PAX1: variants seen among roughly 807,000 people sequenced by gnomAD.
PAX1 encodes the protein paired box 1, also known as paired box protein Pax-1.
Under a neutral mutation model 35.6 loss-of-function variants are expected in PAX1, and 18 were observed. That is an observed-to-expected ratio of 0.50 (90% CI 0.35 to 0.75). The LOEUF is 0.75. Among genes scored for constraint, PAX1 ranks in the 30% least tolerant of loss-of-function variants. The pLI is 0.01. For missense variants in PAX1, 760 were observed against 661.5 expected, an observed-to-expected ratio of 1.15 and a Z score of -1.63; for synonymous variants, 397 against 305.2, an observed-to-expected ratio of 1.30 and a Z score of -3.14.
Position 21,705,927 on chromosome 20 carries a change from A to C in PAX1, c.215A>C (p.Asp72Ala), listed in dbSNP as rs1984971069. The C allele has an allele frequency of 2.7e-6, 4 of 1,466,820 alleles. No homozygotes were observed. Among genetic ancestry groups the C allele is most frequent in the Non-Finnish European group, 3.6e-6 (4 of 1,116,634 alleles). 90.9% of individuals were successfully genotyped at this position (1,466,820 alleles called of 1,614,324 possible). A position where few individuals can be genotyped will look rare whatever the true frequency, so the allele number is the denominator to read the frequency against. Residue 72 changes from aspartate (D) to alanine (A), a missense_variant, in exon 1 of 5, where the codon GAC (aspartate) becomes GCC (alanine). This residue lies in a region of PAX1 where 222 missense variants were observed against 153.0 expected (regional missense o/e 1.45). Transcript: ENST00000613128. Reference sequence around the variant, plus strand: ...GGCGGCGGCGCCCAAGCTCTCCCGGACTGCGCCGGGCCCAGCCCCGGCCAC... The same window carrying C: ...GGCGGCGGCGCCCAAGCTCTCCCGGCCTGCGCCGGGCCCAGCCCCGGCCAC... ...RGGGGAQALP[D>A]CAGPSPGHPG...
In PAX1 at chr20:21,706,119, C is replaced by T; in HGVS notation, c.286+121C>T. ...CCAGTCCTGGGTCCTGGAGAAGCTGCATTCTCCTCTGATCCCCAGCCTTCA... is the reference window on the plus strand; with the variant it reads ...CCAGTCCTGGGTCCTGGAGAAGCTGTATTCTCCTCTGATCCCCAGCCTTCA... On this transcript the variant is annotated intron_variant, in intron 1 of 4. Transcript: ENST00000613128. The surrounding 1 kb of genome is among the most constrained non-coding windows in gnomAD (Gnocchi z 5.3). 1.2e-6 allele frequency: 1 copy of T among 869,414 alleles called. No homozygotes were observed. The highest frequency in any genetic ancestry group is 1.8e-6 in the Non-Finnish European group (1 of 553,722). The allele number at this position is 869,414 out of a possible 1,614,324, so 53.9% of individuals were successfully genotyped here. A position where few individuals can be genotyped will look rare whatever the true frequency, so the allele number is the denominator to read the frequency against.
In PAX1 at chr20:21,708,421, C is replaced by T. The variant is rs1985084585; in HGVS notation, c.917-137C>T. On this transcript the variant is annotated intron_variant, in intron 2 of 4. Transcript: ENST00000613128. ...GTGAACATTCCAGTCCCTGCCGCCT[C>T]CTGGTGGAGTGTCAGGCCACCTACA... The T allele has an allele frequency of 4.1e-6, 4 of 971,836 alleles. No homozygotes were observed. In the Admixed American group the frequency reaches 6.8e-5, roughly 16 times the overall value. 60.2% of individuals were successfully genotyped at this position (971,836 alleles called of 1,614,324 possible). A position where few individuals can be genotyped will look rare whatever the true frequency, so the allele number is the denominator to read the frequency against.
Position 21,705,675 on chromosome 20 carries a change from GC to G in PAX1, c.-37del. On this transcript the variant is annotated 5_prime_UTR_variant, in exon 1 of 5. Coordinates refer to ENST00000613128, the MANE Select transcript of PAX1 (RefSeq NM_001257096.2). Reference sequence around the variant, plus strand: ...GGACACGTCAAATTGATTCCCGCACGCTGCAGCCTCCCGGTCAGACGAATTT... The same window carrying G: ...GGACACGTCAAATTGATTCCCGCACGTGCAGCCTCCCGGTCAGACGAATTT... The G allele has an allele frequency of 8.1e-7, 1 of 1,228,136 alleles. No individual in the cohort carries two copies. The highest frequency in any genetic ancestry group is 1.6e-5 in the African/African-American group (1 of 63,804). The allele number at this position is 1,228,136 out of a possible 1,614,324, so 76.1% of individuals were successfully genotyped here.
intron 4 of PAX1, among the ~76,000 whole-genome samples, chr20:21,714,253 A>AGGCTCTCCTTGCAAGT (rs1250600550): frequency 6.6e-6 from 1 of 152,154 alleles, no homozygotes; most frequent in Non-Finnish European, 1.5e-5. Flanking sequence ...CCGCTTGCCA[A>AGGCTCTCCTTGCAAGT]GGCTCTCCTT....
Position 21,715,041 on chromosome 20 carries a change from T to G in PAX1, c.*479T>G. 1 of 603,704 alleles carries G rather than the reference T, an allele frequency of 1.7e-6. No homozygotes were observed. The highest frequency in any genetic ancestry group is 2.9e-6 in the Non-Finnish European group (1 of 339,686). 37.4% of individuals were successfully genotyped at this position (603,704 alleles called of 1,614,324 possible). A position where few individuals can be genotyped will look rare whatever the true frequency, so the allele number is the denominator to read the frequency against. Reference sequence around the variant, plus strand: ...CCTCTGCCCTTCCACTCTCTTTTCCTTGCTCCGACCTCTGCTCCAGTCCCG... The same window carrying G: ...CCTCTGCCCTTCCACTCTCTTTTCCGTGCTCCGACCTCTGCTCCAGTCCCG... On this transcript the variant is annotated 3_prime_UTR_variant, in exon 5 of 5. Transcript: ENST00000613128.
chr20:21,706,471 G>A lies in PAX1; in HGVS notation c.320G>A (p.Gly107Asp). Residue 107 changes from glycine (G) to aspartate (D), a missense_variant, in exon 2 of 5, where the codon GGT becomes GAT. Gly to Asp is a moderately conservative substitution (Grantham distance 94). Coordinates refer to ENST00000613128, the MANE Select transcript of PAX1 (RefSeq NM_001257096.2). This position sits in a 1 kb window ranked among gnomAD's most constrained non-coding sequence, Gnocchi z 5.3. ...QTYGEVNQLG[G>D]VFVNGRPLPN... ...TATGGCGAGGTGAACCAGCTGGGCGGTGTGTTCGTCAACGGCCGCCCCCTG... is the reference window on the plus strand; with the variant it reads ...TATGGCGAGGTGAACCAGCTGGGCGATGTGTTCGTCAACGGCCGCCCCCTG... 6.2e-7 allele frequency: 1 copy of A among 1,611,170 alleles called. No individual in the cohort carries two copies. The highest frequency in any genetic ancestry group is 8.5e-7 in the Non-Finnish European group (1 of 1,178,844).
At chr20:21,708,432 G>T (rs1985084655) in intron 2 of PAX1, 126 bp from the exon 3 acceptor site, 1 of 1,081,850 alleles carries the variant, frequency 9.2e-7, no homozygotes, top group Non-Finnish European at 1.4e-6. Context: ...CTGGTGGAGT[G>T]TCAGGCCACC....
At position 21,715,742 on chromosome 20, in the gene PAX1, T is replaced by G. The variant is rs1400354038; in HGVS notation, c.*1180T>G. 2 of 152,376 alleles carry G rather than the reference T, an allele frequency of 1.3e-5. No individual in the cohort carries two copies. Among genetic ancestry groups the G allele is most frequent in the African/African-American group, 4.8e-5 (2 of 41,350 alleles). 9.4% of individuals were successfully genotyped at this position (152,376 alleles called of 1,614,324 possible). On this transcript the variant is annotated 3_prime_UTR_variant, in exon 5 of 5. Coordinates refer to ENST00000613128, the MANE Select transcript of PAX1 (RefSeq NM_001257096.2). ...ACAAAGGTTCATTTGGACTTCTGGT[T>G]TGCAAGGGATGAGGGTTAAAAAAAA...
In PAX1 at chr20:21,706,402, C is replaced by G. The variant is rs751585485; in HGVS notation, c.287-36C>G. On this transcript the variant is annotated intron_variant, in intron 1 of 4. Coordinates refer to ENST00000613128, the MANE Select transcript of PAX1 (RefSeq NM_001257096.2). This position sits in a 1 kb window ranked among gnomAD's most constrained non-coding sequence, Gnocchi z 5.3. Reference sequence around the variant, plus strand: ...TTGGCTAACCCGCCGGGTGTTTTCTCCCCCTCCGGCTCACTCTTGTCTGGC... The same window carrying G: ...TTGGCTAACCCGCCGGGTGTTTTCTGCCCCTCCGGCTCACTCTTGTCTGGC... The G allele has an allele frequency of 1.9e-6, 3 of 1,608,748 alleles. No individual in the cohort carries two copies. In the African/African-American group the frequency reaches 4.0e-5, roughly 21 times the overall value.
At position 21,706,989 on chromosome 20, in the gene PAX1, G is replaced by C; in HGVS notation, c.838G>C (p.Val280Leu). The change falls in exon 2 of 5, where the codon GTC becomes CTC. Residue 280 changes from valine (V) to leucine (L), a missense_variant. Transcript: ENST00000613128. This position sits in a 1 kb window ranked among gnomAD's most constrained non-coding sequence, Gnocchi z 5.3. Reference protein sequence around the residue: ...HPGVPGTAGHVSIPRSWPSAH... With the variant: ...HPGVPGTAGHLSIPRSWPSAH... ...CGGGGTCCCGGGCACGGCGGGCCAC[G>C]TCAGCATCCCGCGCTCATGGCCCTC... The C allele has an allele frequency of 1.2e-6, 2 of 1,612,948 alleles. No individual in the cohort carries two copies. The highest frequency in any genetic ancestry group is 2.2e-5 in the South Asian group (2 of 91,078).
In PAX1 at chr20:21,706,087, G is replaced by T. The variant is rs372273102; in HGVS notation, c.286+89G>T. 9.0e-7 allele frequency: 1 copy of T among 1,116,738 alleles called. No individual in the cohort carries two copies. Among genetic ancestry groups the T allele is most frequent in the Non-Finnish European group, 1.3e-6 (1 of 795,562 alleles). The allele number at this position is 1,116,738 out of a possible 1,614,324, so 69.2% of individuals were successfully genotyped here. A position where few individuals can be genotyped will look rare whatever the true frequency, so the allele number is the denominator to read the frequency against. ...CCCTTCCCTCTCGTCCGCTTTCCCT[G>T]GGCGACCCAGTCCTGGGTCCTGGAG... On this transcript the variant is annotated intron_variant, in intron 1 of 4. Transcript: ENST00000613128. The surrounding 1 kb of genome is among the most constrained non-coding windows in gnomAD (Gnocchi z 5.3).
At position 21,708,617 on chromosome 20, in the gene PAX1, G is replaced by T. The variant is rs981687884; in HGVS notation, c.976G>T (p.Val326Leu). 1 of 1,613,660 alleles carries T rather than the reference G, an allele frequency of 6.2e-7. No individual in the cohort carries two copies. The highest frequency in any genetic ancestry group is 8.5e-7 in the Non-Finnish European group (1 of 1,179,978). ...TCCCAAGATGGAAGACTGGGCCGGC[G>T]TGAACCGCACGGCCTTCCCCGCCAC... ...YSPKMEDWAGVNRTAFPATPA... is the reference protein window; with the variant it reads ...YSPKMEDWAGLNRTAFPATPA... Residue 326 changes from valine to leucine, a missense_variant, in exon 3 of 5, where the codon GTG (valine) becomes TTG (leucine). By Grantham distance (32) the Val-to-Leu change is conservative. Coordinates refer to ENST00000613128, the MANE Select transcript of PAX1 (RefSeq NM_001257096.2).
rs766658601 is a variant in PAX1, at chr20:21,706,461, C to T, written c.310C>T (p.Gln104Ter). The change falls in exon 2 of 5, where the codon CAG (glutamine) becomes TAG (stop). Residue 104 changes from glutamine (Q) to a stop codon, truncating the protein, a stop_gained. Coordinates refer to ENST00000613128, the MANE Select transcript of PAX1 (RefSeq NM_001257096.2). LOFTEE classifies it high-confidence loss of function. This position sits in a 1 kb window ranked among gnomAD's most constrained non-coding sequence, Gnocchi z 5.3. ...AGAGCAGACGTATGGCGAGGTGAAC[C>T]AGCTGGGCGGTGTGTTCGTCAACGG... is the stretch of plus-strand genomic sequence containing the variant. ...AMEQTYGEVN[Q>*]LGGVFVNGRP... The T allele has an allele frequency of 6.2e-7, 1 of 1,611,064 alleles. No individual in the cohort carries two copies. The highest frequency in any genetic ancestry group is 1.7e-4 in the Middle Eastern group (1 of 6,058).
intron 4 of PAX1, among the ~76,000 whole-genome samples, chr20:21,713,356 A>G (rs1985254835): frequency 6.8e-6 from 1 of 146,506 alleles, no homozygotes; most frequent in African/African-American, 2.7e-5. Context: ...TAAAACCTCA[A>G]CGAAACCGTG....
Position 21,706,040 on chromosome 20 carries a change from G to A in PAX1, c.286+42G>A, listed in dbSNP as rs6047587. 2.8e-6 allele frequency: 4 copies of A among 1,425,152 alleles called. No homozygotes were observed. The highest frequency in any genetic ancestry group is 1.4e-5 in the African/African-American group (1 of 69,896). 88.3% of individuals were successfully genotyped at this position (1,425,152 alleles called of 1,614,324 possible). A position where few individuals can be genotyped will look rare whatever the true frequency, so the allele number is the denominator to read the frequency against. ...AGGCAGGGCTCGGGAGGGCTGATGA[G>A]GTGGGTCGGGTCCGCCTGCCTCCCT... is the stretch of plus-strand genomic sequence containing the variant. On this transcript the variant is annotated intron_variant, in intron 1 of 4. Transcript: ENST00000613128. The surrounding 1 kb of genome is among the most constrained non-coding windows in gnomAD (Gnocchi z 5.3).
Position 21,706,577 on chromosome 20 carries a change from A to C in PAX1, c.426A>C (p.Val142=), listed in dbSNP as rs766533910. Residue 142 remains valine, a synonymous_variant, in exon 2 of 5, where the codon GTA becomes GTC. Coordinates refer to ENST00000613128, the MANE Select transcript of PAX1 (RefSeq NM_001257096.2). This position sits in a 1 kb window ranked among gnomAD's most constrained non-coding sequence, Gnocchi z 5.3. ...GTGACATCAGTCGGCAGCTCCGCGT[A>C]TCCCACGGCTGCGTGAGCAAGATCC... The part of the protein sequence containing the change: ...RPCDISRQLR[V]SHGCVSKILA... The C allele has an allele frequency of 1.2e-6, 2 of 1,612,260 alleles. No homozygotes were observed. Among genetic ancestry groups the C allele is most frequent in the Non-Finnish European group, 1.7e-6 (2 of 1,179,984 alleles).
At chr20:21,710,424 G>A (rs903830680) in intron 4 of PAX1, among the ~76,000 whole-genome samples, 2 of 152,196 alleles carry the variant, frequency 1.3e-5, no homozygotes. Flanking sequence ...ACCTGGGAAA[G>A]GAAAGGGTCA....
chr20:21,710,805 A>G (rs945544111), intron 4 of PAX1, among the ~76,000 whole-genome samples: 1 of 152,252 alleles, frequency 6.6e-6, no homozygotes, highest in East Asian at 1.9e-4. Flanking sequence ...ATCCTGGGAT[A>G]TTAGGATAAT....
chr20:21,711,788 C>T (rs1411889645), intron 4 of PAX1, among the ~76,000 whole-genome samples: 2 of 152,182 alleles, frequency 1.3e-5, no homozygotes, highest in Non-Finnish European at 2.9e-5. Context: ...TGGATTTTTA[C>T]TCCTTACTGG....
Sources: allele counts gnomAD v4.1 joint callset (sites outside exome capture counted in the v4.1 genomes callset), GRCh38; gene constraint gnomAD v4.1.1; regional missense constraint gnomAD v4.1.1; non-coding constraint Gnocchi (gnomAD v3.1); transcripts MANE v1.5; gene names NCBI Gene and HGNC (gene_info 2026-07-23, HGNC 2026-07-21).